Variants in KRT28 observed in about 807,000 individuals in gnomAD.
KRT28 encodes the protein keratin 28.
Under a neutral mutation model 48.1 loss-of-function variants are expected in KRT28, and 45 were observed. The observed-to-expected ratio is 0.94, with a 90% confidence interval of 0.74 to 1.20. KRT28 has a LOEUF of 1.20. Among genes scored for constraint, KRT28 ranks in the 50% most tolerant of loss-of-function variants. KRT28 has a pLI of 0.00. For synonymous variants in KRT28, 228 were observed against 227.4 expected (o/e 1.00, Z -0.03); for missense variants, 571 against 574.1 (o/e 0.99, Z 0.06).
chr17:40,792,325 T>C lies in KRT28; in HGVS notation c.*102A>G, dbSNP rs1302484995. 13 of 912,702 alleles carry C rather than the reference T, an allele frequency of 1.4e-5. No individual in the cohort carries two copies. The East Asian group carries it at 3.4e-4, about 24-fold the overall frequency. 56.5% of individuals were successfully genotyped at this position (912,702 alleles called of 1,614,324 possible). ...GAAAACAGGTATTTTTGCTAAGTAA[T>C]GTATCTTTAAAAGTAAAAAGTGTGT... On this transcript the variant is annotated 3_prime_UTR_variant, in exon 8 of 8. Transcript: ENST00000306658.
At position 40,792,471 on chromosome 17, in the gene KRT28, A is replaced by G; in HGVS notation, c.1351T>C (p.Ser451Pro). 2 of 1,613,530 alleles carry G rather than the reference A, an allele frequency of 1.2e-6. No individual in the cohort carries two copies. The highest frequency in any genetic ancestry group is 1.7e-6 in the Non-Finnish European group (2 of 1,179,726). The change falls in exon 8 of 8, where the codon TCT (serine) becomes CCT (proline). Residue 451 changes from serine to proline, a missense_variant. Coordinates refer to ENST00000306658, the MANE Select transcript of KRT28 (RefSeq NM_181535.3). ...TCTGTCTTGCCGTTGGTCATTTTAGATGTCTTTTCTTCAATGGAGTGAATC... is the reference window on the plus strand; with the variant it reads ...TCTGTCTTGCCGTTGGTCATTTTAGGTGTCTTTTCTTCAATGGAGTGAATC... ...SRIHSIEEKT[S>P]KMTNGKTEQR...
At position 40,792,467 on chromosome 17, in the gene KRT28, T is replaced by C. The variant is rs1904514619; in HGVS notation, c.1355A>G (p.Lys452Arg). 6.2e-7 allele frequency: 1 copy of C among 1,613,542 alleles called. No individual in the cohort carries two copies. The highest frequency in any genetic ancestry group is 8.5e-7 in the Non-Finnish European group (1 of 1,179,758). The change falls in exon 8 of 8, where the codon AAA (lysine) becomes AGA (arginine). Residue 452 changes from lysine to arginine, a missense_variant. Lys to Arg is a conservative substitution (Grantham distance 26). Coordinates refer to ENST00000306658, the MANE Select transcript of KRT28 (RefSeq NM_181535.3). ...TTGTTCTGTCTTGCCGTTGGTCATT[T>C]TAGATGTCTTTTCTTCAATGGAGTG... is the stretch of plus-strand genomic sequence containing the variant. ...RIHSIEEKTS[K>R]MTNGKTEQRV...
At position 40,793,893 on chromosome 17, in the gene KRT28, C is replaced by T. The variant is rs1258485874; in HGVS notation, c.1132G>A (p.Asp378Asn). The change falls in exon 6 of 8, where the codon GAT (aspartate) becomes AAT (asparagine). Residue 378 changes from aspartate (D) to asparagine (N), a missense_variant. Transcript: ENST00000306658. ...TCTTTTTCCAAGTGGACCTTGACAT[C>T]GAGGAGATGCTCATACTCCAGCTTC... ...GQKLEYEHLL[D>N]VKVHLEKEIE... The T allele has an allele frequency of 4.3e-6, 7 of 1,613,908 alleles. No individual in the cohort carries two copies. The highest frequency in any genetic ancestry group is 1.1e-5 in the South Asian group (1 of 91,060).
At chr17:40,799,328 T>C in intron 1 of KRT28, 116 bp downstream of exon 1, 1 of 611,118 alleles carries the variant, frequency 1.6e-6, no homozygotes. Context: ...GAATTGTTTA[T>C]CTAAATAAAT....
At chr17:40,795,884 G>A (rs371651388) in intron 5 of KRT28, among the ~76,000 whole-genome samples, 32 of 152,116 alleles carry the variant, frequency 2.1e-4, no homozygotes, top group African/African-American at 7.5e-4. Flanking sequence ...GGGAAATGGA[G>A]AAGAAAGGAA....
intron 7 of KRT28, 45 bp from the exon 8 acceptor site, chr17:40,792,614 A>T: frequency 7.0e-7 from 1 of 1,438,006 alleles, no homozygotes; most frequent in Non-Finnish European, 9.6e-7. Flanking sequence ...CAAAAAGATT[A>T]CATGACAATT....
rs1185066011 is a variant in KRT28, at chr17:40,793,266, A to G, written c.1197-56T>C. ...ATTTCTGCTTACTATCGCTTCAGAA[A>G]TATTCATTGACTCAATGAATGAAAT... is the stretch of plus-strand genomic sequence containing the variant. On this transcript the variant is annotated intron_variant, in intron 6 of 7. Transcript: ENST00000306658. The G allele has an allele frequency of 1.2e-5, 14 of 1,124,210 alleles. No homozygotes were observed. The South Asian group carries it at 1.8e-4, about 14-fold the overall frequency. The allele number at this position is 1,124,210 out of a possible 1,614,324, so 69.6% of individuals were successfully genotyped here.
At position 40,797,205 on chromosome 17, in the gene KRT28, G is replaced by T. The variant is rs768445733; in HGVS notation, c.767C>A (p.Ala256Glu). The T allele has an allele frequency of 1.6e-5, 26 of 1,614,000 alleles. No individual in the cohort carries two copies. The highest frequency in any genetic ancestry group is 4.4e-5 in the South Asian group (4 of 91,088). Reference protein sequence around the residue: ...EMNAAPGVDLAVLLNNMRAEY... With the variant: ...EMNAAPGVDLEVLLNNMRAEY... ...CGCTCGCATGTTGTTCAACAAAACC[G>T]CGAGGTCTACCCCCGGGGCCGCGTT... Residue 256 changes from alanine to glutamate, a missense_variant, in exon 4 of 8, where the codon GCG becomes GAG. Physicochemically the swap from Ala to Glu is moderately radical, Grantham distance 107. Coordinates refer to ENST00000306658, the MANE Select transcript of KRT28 (RefSeq NM_181535.3).
At position 40,799,785 on chromosome 17, in the gene KRT28, C is replaced by T; in HGVS notation, c.109G>A (p.Gly37Ser). 6.2e-7 allele frequency: 1 copy of T among 1,614,072 alleles called. No individual in the cohort carries two copies. The highest frequency in any genetic ancestry group is 8.5e-7 in the Non-Finnish European group (1 of 1,180,032). Reference protein sequence around the residue: ...GAGFAGSSACGGSVAGSEFSC... With the variant: ...GAGFAGSSACSGSVAGSEFSC... ...AATTCACTTCCAGCAACAGAGCCACCACATGCACTGCTGCCTGCAAAGCCT... is the reference window on the plus strand; with the variant it reads ...AATTCACTTCCAGCAACAGAGCCACTACATGCACTGCTGCCTGCAAAGCCT... The change falls in exon 1 of 8, where the codon GGT becomes AGT. Residue 37 changes from glycine to serine, a missense_variant. Gly to Ser is a moderately conservative substitution (Grantham distance 56, BLOSUM62 0). Transcript: ENST00000306658.
chr17:40,798,300 C>G lies in KRT28; in HGVS notation c.625G>C (p.Asp209His), dbSNP rs764787874. ...AGAGACTCATATTGCAGCTCCTGGT[C>G]GGTCCTGCAGAGCGTCAGCTCGTCC... ...VLDELTLCRT[D>H]QELQYESLSE... The change falls in exon 3 of 8, where the codon GAC becomes CAC. Residue 209 changes from aspartate (D) to histidine (H), a missense_variant. Transcript: ENST00000306658. The G allele has an allele frequency of 1.9e-5, 31 of 1,613,278 alleles. No individual in the cohort carries two copies. The highest frequency in any genetic ancestry group is 2.5e-5 in the Non-Finnish European group (30 of 1,179,484).
In KRT28 at chr17:40,798,919, T is replaced by C. The variant is rs773766615; in HGVS notation, c.531A>G (p.Leu177=). ...CAGGATTTTCTTCTGTCACTTACTT[T>C]AGCCTGAAATCATCAGCAGCCAGTC... ...NARLAADDFR[L]KYENELTLHQ... The change falls in exon 2 of 8, where the codon CTA becomes CTG. Residue 177 remains leucine, a splice_region_variant and synonymous_variant. Coordinates refer to ENST00000306658, the MANE Select transcript of KRT28 (RefSeq NM_181535.3). The C allele has an allele frequency of 3.1e-6, 5 of 1,594,524 alleles. No homozygotes were observed. In the South Asian group the frequency reaches 4.6e-5, roughly 15 times the overall value.
intron 6 of KRT28, 67 bp downstream of exon 6, chr17:40,793,762 C>A (rs963445410): frequency 8.1e-6 from 12 of 1,482,266 alleles, no homozygotes; most frequent in African/African-American, 1.4e-5. Context: ...GTATGGAAGG[C>A]TAATGGGCAG....
chr17:40,799,031 G>T (rs1904687053), intron 1 of KRT28, 32 bp from the exon 2 acceptor site: 1 of 1,266,820 alleles, frequency 7.9e-7, no homozygotes, highest in Non-Finnish European at 1.1e-6. Context: ...AACACAACAA[G>T]TAAGTATGCT....
At chr17:40,794,728 A>C (rs942353080) in intron 5 of KRT28, among the ~76,000 whole-genome samples, 5 of 152,080 alleles carry the variant, frequency 3.3e-5, no homozygotes, top group Non-Finnish European at 7.4e-5. Flanking sequence ...TCCTTTAATT[A>C]AGGTAATTTT....
chr17:40,793,972 C>G lies in KRT28; in HGVS notation c.1053G>C (p.Gln351His). The change falls in exon 6 of 8, where the codon CAG becomes CAC. Residue 351 changes from glutamine to histidine, a missense_variant. Gln to His is a conservative substitution (Grantham distance 24). Coordinates refer to ENST00000306658, the MANE Select transcript of KRT28 (RefSeq NM_181535.3). ...GCAGCTGCTCCTCCAGGGCCCCGAT[C>G]TGAGCCTGGATCTGCGCCAGCTGCG... ...YCTQLAQIQA[Q>H]IGALEEQLHQ... 1 of 1,613,994 alleles carries G rather than the reference C, an allele frequency of 6.2e-7. No homozygotes were observed. The highest frequency in any genetic ancestry group is 8.5e-7 in the Non-Finnish European group (1 of 1,179,872).
At position 40,797,277 on chromosome 17, in the gene KRT28, A is replaced by G. The variant is rs747950716; in HGVS notation, c.695T>C (p.Met232Thr). The G allele has an allele frequency of 1.4e-5, 23 of 1,613,174 alleles. No homozygotes were observed. The highest frequency in any genetic ancestry group is 1.9e-5 in the Non-Finnish European group (22 of 1,179,484). The change falls in exon 4 of 8, where the codon ATG becomes ACG. Residue 232 changes from methionine to threonine, a missense_variant. By Grantham distance (81) the Met-to-Thr change is moderately conservative. Transcript: ENST00000306658. ...CCCAGCCGCGCACTGCAGAGCCTTC[A>G]TCTCCTGGAGAGAAGCAAGAGTGTG... ...TYLKKNHEEE[M>T]KALQCAAGGN... is the part of the protein sequence containing the mutation.
In KRT28 at chr17:40,799,915, C is replaced by T; in HGVS notation, c.-22G>A. 6.4e-7 allele frequency: 1 copy of T among 1,557,116 alleles called. No homozygotes were observed. Among genetic ancestry groups the T allele is most frequent in the Admixed American group, 1.7e-5 (1 of 59,254 alleles). On this transcript the variant is annotated 5_prime_UTR_variant, in exon 1 of 8. Coordinates refer to ENST00000306658, the MANE Select transcript of KRT28 (RefSeq NM_181535.3). ...ACATGGTGTTTTGAGAAATGTTCAC[C>T]TTGTCTATGCAAAACTGTAATGTCC...
At position 40,799,694 on chromosome 17, in the gene KRT28, C is replaced by T; in HGVS notation, c.200G>A (p.Gly67Glu). The T allele has an allele frequency of 1.9e-6, 3 of 1,614,124 alleles. No individual in the cohort carries two copies. Among genetic ancestry groups the T allele is most frequent in the Non-Finnish European group, 1.7e-6 (2 of 1,180,030 alleles). The change falls in exon 1 of 8, where the codon GGA becomes GAA. Residue 67 changes from glycine to glutamate, a missense_variant. Gly to Glu is a moderately conservative substitution (Grantham distance 98). Coordinates refer to ENST00000306658, the MANE Select transcript of KRT28 (RefSeq NM_181535.3). ...PGGSHAGGAL[G>E]NAACIGFAGS... is the part of the protein sequence containing the mutation. ...AGCAAAGCCAATACAAGCAGCATTT[C>T]CAAGGGCACCACCAGCATGGCTCCC...
chr17:40,794,606 G>T (rs1439378025), intron 5 of KRT28, among the ~76,000 whole-genome samples: 1 of 152,128 alleles, frequency 6.6e-6, no homozygotes, highest in Non-Finnish European at 1.5e-5. Context: ...TTCAAGGCAA[G>T]AGCTATATCT....
Sources: allele counts gnomAD v4.1 joint callset (sites outside exome capture counted in the v4.1 genomes callset), GRCh38; gene constraint gnomAD v4.1.1; transcripts MANE v1.5; gene names NCBI Gene and HGNC (gene_info 2026-07-23, HGNC 2026-07-21).